SCAF11: variants seen among roughly 807,000 people sequenced by gnomAD.
SCAF11 encodes SR-related CTD associated factor 11, also known as protein SCAF11.
In SCAF11, 47 loss-of-function variants were observed where a neutral mutation model predicts 140.5. The observed-to-expected ratio is 0.33, with a 90% CI of 0.26 to 0.43. SCAF11 has a LOEUF of 0.43. SCAF11 is among the 20% of genes least tolerant of loss of function. The probability of loss-of-function intolerance (pLI) is 1.00; values close to 1 mark genes in which losing one functional copy is unlikely to be tolerated. For missense variants in SCAF11, 1,645 were observed against 1,705.1 expected (o/e 0.96, Z 0.62); for synonymous variants, 557 against 579.4 (o/e 0.96, Z 0.55).
intron 4 of SCAF11, 55 bp downstream of exon 4, chr12:45,951,595 C>A: frequency 8.4e-7 from 1 of 1,197,288 alleles, no homozygotes; most frequent in South Asian, 1.5e-5. Context: ...AAATCAAAGT[C>A]AAACAGCTTC....
At chr12:45,976,279 G>C (rs1946230865) in intron 1 of SCAF11, among the ~76,000 whole-genome samples, 1 of 152,116 alleles carries the variant, frequency 6.6e-6, no homozygotes, top group South Asian at 2.1e-4. Context: ...TCAACGTCTT[G>C]TGTCGTTCCA....
At chr12:45,973,940 ATTCTTTAAAATAGGT>A (rs1029187210) in intron 1 of SCAF11, among the ~76,000 whole-genome samples, 1 of 152,216 alleles carries the variant, frequency 6.6e-6, no homozygotes, top group African/African-American at 2.4e-5. Context: ...CTCATCTTGA[ATTCTTTAAAATAGGT>A]TTGGCATTAA....
Position 45,926,192 on chromosome 12 carries a change from G to A in SCAF11, c.3509C>T (p.Ser1170Leu). Reference protein sequence around the residue: ...NYYSRRGRNSSGPQSGWMKQE... With the variant: ...NYYSRRGRNSLGPQSGWMKQE... ...TTTCATCCATCCAGACTGTGGACCTGAAGAATTTCTGCCTCGTCGTGAGTA... is the reference window on the plus strand; with the variant it reads ...TTTCATCCATCCAGACTGTGGACCTAAAGAATTTCTGCCTCGTCGTGAGTA... The change falls in exon 11 of 15, where the codon TCA becomes TTA. Residue 1170 changes from serine to leucine, a missense_variant. By Grantham distance (145) the Ser-to-Leu change is moderately radical. This residue lies in a region of SCAF11 where 1,582 missense variants were observed against 1,609.2 expected (regional missense o/e 0.98). Transcript: ENST00000369367. 6.2e-7 allele frequency: 1 copy of A among 1,614,178 alleles called. No homozygotes were observed. Among genetic ancestry groups the A allele is most frequent in the South Asian group, 1.1e-5 (1 of 91,080 alleles).
Position 45,931,584 on chromosome 12 carries a change from T to C in SCAF11, c.763A>G (p.Thr255Ala). The C allele has an allele frequency of 6.5e-7, 1 of 1,538,282 alleles. No individual in the cohort carries two copies. Residue 255 changes from threonine to alanine, a missense_variant, in exon 10 of 15, where the codon ACA (threonine) becomes GCA (alanine). Coordinates refer to ENST00000369367, the MANE Select transcript of SCAF11 (RefSeq NM_004719.3). ...RIGFIPWNVE[T>A]EVLPLISSVL... ...GAAGAAATGAGAGGAAGGACTTCTGTTTCAACATTCCAGGGTATAAAACCA... is the reference window on the plus strand; with the variant it reads ...GAAGAAATGAGAGGAAGGACTTCTGCTTCAACATTCCAGGGTATAAAACCA...
At chr12:45,951,775 C>A (rs1945555739) in intron 3 of SCAF11, 48 bp from the exon 4 acceptor site, 3 of 1,169,742 alleles carry the variant, frequency 2.6e-6, no homozygotes, top group South Asian at 1.5e-5. Context: ...TTCTTTAGAT[C>A]AAAATTATAA....
At chr12:45,925,124 TA>T (rs1369741479) in intron 11 of SCAF11, 50 bp from the exon 12 acceptor site, 1 of 1,430,914 alleles carries the variant, frequency 7.0e-7, no homozygotes, top group Non-Finnish European at 9.5e-7. Flanking sequence ...TAAATCTCTT[TA>T]GACAGAGAAA....
In SCAF11 at chr12:45,922,977, C is replaced by T. The variant is rs1310570028; in HGVS notation, c.4084G>A (p.Val1362Ile). Residue 1362 changes from valine to isoleucine, a missense_variant, in exon 13 of 15, where the codon GTT becomes ATT. This residue lies in a region of SCAF11 where 1,582 missense variants were observed against 1,609.2 expected (regional missense o/e 0.98). Transcript: ENST00000369367. ...AVKLAESKVS[V>I]AVEASADSSK... ...CTATCTGCGCTGGCTTCCACTGCAA[C>T]ACTTACTTTGCTTTCTGCCAATTTT... 1 of 1,614,196 alleles carries T rather than the reference C, an allele frequency of 6.2e-7. No individual in the cohort carries two copies. The highest frequency in any genetic ancestry group is 8.5e-7 in the Non-Finnish European group (1 of 1,180,026).
chr12:45,991,955 T>C, upstream of SCAF11: 1 of 1,289,292 alleles, frequency 7.8e-7, no homozygotes, highest in Non-Finnish European at 1.0e-6. Flanking sequence ...TGTTCGCGCG[T>C]GCTGCGCTCT....
At chr12:45,933,742 CTG>C (rs1945108363) in intron 8 of SCAF11, among the ~76,000 whole-genome samples, 1 of 152,116 alleles carries the variant, frequency 6.6e-6, no homozygotes, top group Non-Finnish European at 1.5e-5. Context: ...GCTCAACTAA[CTG>C]TACGTGATTT....
rs553521646 is a variant in SCAF11, at chr12:45,964,499, C to G, written c.-21-311G>C. ...TGGCTAACACGGTGAAACCCTGTCT[C>G]TACTAAAAACACAAAAAATTAGCCG... On this transcript the variant is annotated intron_variant, in intron 1 of 14. Transcript: ENST00000369367. 3.9e-5 allele frequency among the ~76,000 whole-genome samples: 6 copies of G among 152,200 alleles called. No individual in the cohort carries two copies. The East Asian group carries it at 1.2e-3, about 29-fold the overall frequency.
Position 45,922,038 on chromosome 12 carries a change from G to GT in SCAF11, c.*9dup. 1 of 1,606,296 alleles carries GT rather than the reference G, an allele frequency of 6.2e-7. No homozygotes were observed. The highest frequency in any genetic ancestry group is 8.5e-7 in the Non-Finnish European group (1 of 1,177,922). ...ATATCCTGATAATGTCCTTGACAGC[G>GT]TTCCCCATTTCAGCCTATGTTTTTT... On this transcript the variant is annotated 3_prime_UTR_variant, in exon 15 of 15. Transcript: ENST00000369367.
chr12:45,961,896 C>G, intron 2 of SCAF11, 39 bp from the exon 3 acceptor site: 1 of 1,534,416 alleles, frequency 6.5e-7, no homozygotes, highest in Non-Finnish European at 8.8e-7. Context: ...TTCAAGTTCT[C>G]CAGACCAAAA....
chr12:45,960,441 C>A (rs935769957), intron 3 of SCAF11: 2 of 152,028 alleles, frequency 1.3e-5, no homozygotes, highest in African/African-American at 4.8e-5. Flanking sequence ...CACAAAGCAA[C>A]CATGTGCACT....
chr12:45,990,348 T>C lies in SCAF11; in HGVS notation c.-22+5A>G, dbSNP rs1946567646. ...CATCCACCCCGCGGGTCGACCAGTGTTTACCTCAGACCGAGGTCGAGGCGC... is the reference window on the plus strand; with the variant it reads ...CATCCACCCCGCGGGTCGACCAGTGCTTACCTCAGACCGAGGTCGAGGCGC... On this transcript the variant is annotated splice_donor_5th_base_variant and intron_variant, in intron 1 of 14. Transcript: ENST00000369367. The C allele has an allele frequency of 1.6e-6, 2 of 1,232,060 alleles. No individual in the cohort carries two copies. The highest frequency in any genetic ancestry group is 8.2e-5 in the South Asian group (2 of 24,326). The allele number at this position is 1,232,060 out of a possible 1,614,324, so 76.3% of individuals were successfully genotyped here. A position where few individuals can be genotyped will look rare whatever the true frequency, so the allele number is the denominator to read the frequency against.
chr12:45,970,283 T>C (rs532498633), intron 1 of SCAF11, among the ~76,000 whole-genome samples: 98 of 152,352 alleles, frequency 6.4e-4, no homozygotes, highest in Non-Finnish European at 1.2e-3. Context: ...CTTCCCACCT[T>C]GGTCTCCTAA....
upstream of SCAF11, chr12:45,990,622 C>A: frequency 8.3e-7 from 1 of 1,204,844 alleles, no homozygotes; most frequent in South Asian, 4.3e-5. Context: ...CCCCTCCCTG[C>A]GCGTCTCCCT....
At chr12:45,945,698 G>C (rs768169156) in intron 5 of SCAF11, among the ~76,000 whole-genome samples, 8 of 151,816 alleles carry the variant, frequency 5.3e-5, no homozygotes, top group Non-Finnish European at 1.0e-4. Context: ...CACCTTGTCA[G>C]GTTAATTTTT....
chr12:45,954,223 A>AT (rs999910284), intron 3 of SCAF11, among the ~76,000 whole-genome samples: 2 of 151,724 alleles, frequency 1.3e-5, no homozygotes, highest in Non-Finnish European at 2.9e-5. Flanking sequence ...TTCCTTTACA[A>AT]TTTTTTCTTT....
chr12:45,944,785 GC>G (rs1326864377), intron 6 of SCAF11, among the ~76,000 whole-genome samples: 4 of 40,584 alleles, frequency 9.9e-5, no homozygotes, highest in African/African-American at 4.8e-4. Context: ...TGTTAGAGGT[GC>G]TTTTATTTCT....
Sources: gnomAD v4.1 joint callset for allele counts (sites outside exome capture counted in the v4.1 genomes callset) on GRCh38, gnomAD v4.1.1 for gene constraint, gnomAD v4.1.1 regional missense constraint, MANE v1.5 for transcripts, NCBI Gene and HGNC (gene_info 2026-07-23, HGNC 2026-07-21) for gene names.